The following CYS1 variants were observed in gnomAD, a reference collection of about 807,000 sequenced individuals.
CYS1 encodes cystin-1.
CYS1 carries 5 observed loss-of-function variants against 9.6 expected under a neutral mutation model. That is an observed-to-expected ratio of 0.52 (90% confidence interval 0.27 to 1.10). The LOEUF (loss-of-function observed/expected upper bound fraction) is 1.10. Among genes scored for constraint, CYS1 ranks in the 50% least tolerant of loss-of-function variants. CYS1 has a pLI of 0.11. For missense variants in CYS1, 221 were observed against 207.9 expected (o/e 1.06, Z -0.39); for synonymous variants, 88 against 95.7 (o/e 0.92, Z 0.47).
intron 1 of CYS1, among the ~76,000 whole-genome samples, chr2:10,072,771 C>T (rs1232106679): frequency 6.6e-6 from 1 of 152,216 alleles, no homozygotes; most frequent in Non-Finnish European, 1.5e-5. Flanking sequence ...CACTGTTCTC[C>T]CCACACAGAG....
At chr2:10,067,382 T>C (rs941165095) in intron 1 of CYS1, among the ~76,000 whole-genome samples, 1 of 150,414 alleles carries the variant, frequency 6.6e-6, no homozygotes, top group South Asian at 2.1e-4. Context: ...GACTGAGATA[T>C]ATACATTTTA....
At chr2:10,065,117 C>T (rs1023301642) in intron 2 of CYS1, among the ~76,000 whole-genome samples, 3 of 152,180 alleles carry the variant, frequency 2.0e-5, no homozygotes, top group African/African-American at 7.2e-5. Flanking sequence ...CCATGCCCCT[C>T]CCGGGCTGGG....
At position 10,078,342 on chromosome 2, in the gene CYS1, G is replaced by A. The variant is rs143643763; in HGVS notation, c.318+1564C>T. Among the ~76,000 whole-genome samples the A allele has an allele frequency of 2.2e-3, 338 of 152,278 alleles. 1 individual carries two copies. Among genetic ancestry groups the A allele is most frequent in the African/African-American group, 7.6e-3 (314 of 41,560 alleles). ...TGTCCAGTTCATCCTCCCTACAGTT[G>A]TCGGTGTGACGTTCCTAAAACACAA... On this transcript the variant is annotated intron_variant, in intron 1 of 2. Transcript: ENST00000381813.
At chr2:10,061,058 C>T (rs1236232364) in intron 2 of CYS1, among the ~76,000 whole-genome samples, 1 of 152,126 alleles carries the variant, frequency 6.6e-6, no homozygotes, top group East Asian at 1.9e-4. Flanking sequence ...ATGGTGAAAC[C>T]CCATCTCTAC....
Position 10,058,781 on chromosome 2 carries a change from G to C in CYS1, c.*72C>G, listed in dbSNP as rs1661585321. Reference sequence around the variant, plus strand: ...TGGAGGTGGTTCAGCTCCTGCTAGAGCTCTGTGCAAGCAGAGGGTGCCCCA... The same window carrying C: ...TGGAGGTGGTTCAGCTCCTGCTAGACCTCTGTGCAAGCAGAGGGTGCCCCA... On this transcript the variant is annotated 3_prime_UTR_variant, in exon 3 of 3. Transcript: ENST00000381813. The C allele has an allele frequency of 1.5e-6, 2 of 1,328,482 alleles. No homozygotes were observed. 82.3% of individuals were successfully genotyped at this position (1,328,482 alleles called of 1,614,324 possible).
At chr2:10,065,797 T>C (rs1240720623) in intron 2 of CYS1, 107 bp downstream of exon 2, 3 of 1,111,538 alleles carry the variant, frequency 2.7e-6, no homozygotes, top group Non-Finnish European at 4.1e-6. Context: ...TCTGGAAACC[T>C]CGTGAGGACC....
chr2:10,078,054 C>T (rs561707870), intron 1 of CYS1, among the ~76,000 whole-genome samples: 57 of 151,424 alleles, frequency 3.8e-4, no homozygotes, highest in African/African-American at 1.3e-3. Context: ...TGCAGTGAGC[C>T]GGGATCACAC....
At chr2:10,062,092 C>T (rs1463988520) in intron 2 of CYS1, among the ~76,000 whole-genome samples, 2 of 151,780 alleles carry the variant, frequency 1.3e-5, no homozygotes, top group East Asian at 1.9e-4. Context: ...ACCATATCCT[C>T]CACTTCTCAG....
In CYS1 at chr2:10,062,639, G is replaced by A. The variant is rs555862767; in HGVS notation, c.371+3265C>T. ...GCTGCTCTTGAACTCTTGACCTCAGGTGATCTGCCCACCTCAGCCTCCCAA... is the reference window on the plus strand; with the variant it reads ...GCTGCTCTTGAACTCTTGACCTCAGATGATCTGCCCACCTCAGCCTCCCAA... On this transcript the variant is annotated intron_variant, in intron 2 of 2. Transcript: ENST00000381813. Among the ~76,000 whole-genome samples the A allele has an allele frequency of 4.6e-5, 7 of 152,248 alleles. No homozygotes were observed. In the South Asian group the frequency reaches 1.5e-3, roughly 32 times the overall value.
intron 1 of CYS1, among the ~76,000 whole-genome samples, chr2:10,073,004 ATG>A (rs1323829495): frequency 4.8e-5 from 7 of 145,116 alleles, no homozygotes; most frequent in African/African-American, 1.8e-4. Flanking sequence ...AGCAGTGCAG[ATG>A]TGTGGGAGCA....
chr2:10,062,346 A>G (rs1182428225), intron 2 of CYS1, among the ~76,000 whole-genome samples: 2 of 152,154 alleles, frequency 1.3e-5, no homozygotes, highest in Non-Finnish European at 2.9e-5. Flanking sequence ...CCACATGTTA[A>G]ATGAGGCAAG....
rs530619334 is a variant in CYS1 at position 10,072,379 on chromosome 2, G to A, written c.319-6423C>T. ...ATTATAGGCGTGAGCCACCGTGCCCGTGCCCGGCCCAAAGGTTACTTTTTA... is the reference window on the plus strand; with the variant it reads ...ATTATAGGCGTGAGCCACCGTGCCCATGCCCGGCCCAAAGGTTACTTTTTA... On this transcript the variant is annotated intron_variant, in intron 1 of 2. Coordinates refer to ENST00000381813, the MANE Select transcript of CYS1 (RefSeq NM_001037160.3). Among the ~76,000 whole-genome samples the A allele has an allele frequency of 2.9e-4, 44 of 152,318 alleles. No individual in the cohort carries two copies. The South Asian group carries it at 3.3e-3, about 11-fold the overall frequency.
chr2:10,066,197 C>T (rs887963998), intron 1 of CYS1, among the ~76,000 whole-genome samples: 5 of 152,338 alleles, frequency 3.3e-5, no homozygotes, highest in Admixed American at 3.3e-4. Context: ...AGAGCCAGGG[C>T]CAGACTTGCT....
At chr2:10,077,118 A>AC (rs1298679753) in intron 1 of CYS1, among the ~76,000 whole-genome samples, 2 of 151,550 alleles carry the variant, frequency 1.3e-5, no homozygotes, top group Non-Finnish European at 2.9e-5. Flanking sequence ...CATCCCAGTC[A>AC]CCCCACTAGT....
At chr2:10,071,247 G>A (rs1335420069) in intron 1 of CYS1, among the ~76,000 whole-genome samples, 7 of 152,228 alleles carry the variant, frequency 4.6e-5, no homozygotes, top group African/African-American at 1.7e-4. Flanking sequence ...GATTACAGGC[G>A]TGAGCCACCG....
intron 2 of CYS1, among the ~76,000 whole-genome samples, chr2:10,060,189 G>A (rs12692398): frequency 0.17 from 26,020 of 152,248 alleles, 2,709 homozygotes; most frequent in South Asian, 0.28. Flanking sequence ...GGTGTTGGAT[G>A]CTGCCCTCCC....
At chr2:10,072,014 G>A (rs887440937) in intron 1 of CYS1, among the ~76,000 whole-genome samples, 2 of 151,788 alleles carry the variant, frequency 1.3e-5, no homozygotes, top group African/African-American at 2.4e-5. Context: ...AGAATGAAGC[G>A]AATAAGATCA....
rs1468489826 is a variant in CYS1, at chr2:10,056,994, CT to C, written c.*1858del. The C allele has an allele frequency of 1.1e-4, 16 of 152,292 alleles. No homozygotes were observed. The highest frequency in any genetic ancestry group is 1.9e-4 in the Non-Finnish European group (13 of 68,020). The allele number at this position is 152,292 out of a possible 1,614,324, so 9.4% of individuals were successfully genotyped here. ...TTGACATTGATATAGCTTGTAACTA[CT>C]TTTGGAATTTTTTTCCCCTAACACT... On this transcript the variant is annotated 3_prime_UTR_variant, in exon 3 of 3. Transcript: ENST00000381813.
intron 1 of CYS1, among the ~76,000 whole-genome samples, chr2:10,079,628 C>A (rs80323318): frequency 0.051 from 7,716 of 151,810 alleles, 288 homozygotes; most frequent in South Asian, 0.16. Flanking sequence ...GCCGCGGGCC[C>A]GAGGGGAGCC....
Sources: gnomAD v4.1 joint callset for allele counts (sites outside exome capture counted in the v4.1 genomes callset) on GRCh38, gnomAD v4.1.1 for gene constraint, MANE v1.5 for transcripts, NCBI Gene and HGNC (gene_info 2026-07-23, HGNC 2026-07-21) for gene names.